MTUS2: variants seen among roughly 807,000 people sequenced by gnomAD.
MTUS2 encodes microtubule-associated tumor suppressor candidate 2.
A neutral mutation model predicts 114.1 loss-of-function variants in MTUS2; 40 were observed. That is an observed-to-expected ratio of 0.35 (90% CI 0.27 to 0.46). MTUS2 has a LOEUF of 0.46. MTUS2 is among the 20% of genes least tolerant of loss of function. MTUS2 has a pLI of 1.00. For synonymous variants in MTUS2, 688 were observed against 672.0 expected, an observed-to-expected ratio of 1.02 and a Z score of -0.37; for missense variants, 1,679 against 1,705.4, an observed-to-expected ratio of 0.98 and a Z score of 0.27.
At chr13:29,311,831 T>C (rs9551645) in intron 6 of MTUS2, among the ~76,000 whole-genome samples, 11,847 of 152,242 alleles carry the variant, frequency 0.078, 788 homozygotes, top group East Asian at 0.36. Context: ...AAGGTAGTCT[T>C]ATTTAGCCTC....
intron 2 of MTUS2, among the ~76,000 whole-genome samples, chr13:28,899,765 C>T (rs893011377): frequency 2.6e-5 from 4 of 152,090 alleles, no homozygotes; most frequent in Admixed American, 1.3e-4. Flanking sequence ...TTTCTTTTTT[C>T]TGTCCATAAA....
intron 1 of MTUS2, among the ~76,000 whole-genome samples, chr13:28,827,567 C>CCAT (rs1874351571): frequency 2.6e-5 from 4 of 152,078 alleles, no homozygotes; most frequent in Admixed American, 2.6e-4. Flanking sequence ...AGGAATGTGA[C>CCAT]CTGCAGCCAC....
In MTUS2 at chr13:29,256,958, T is replaced by G. The variant is rs144157085; in HGVS notation, c.2645-24746T>G. ...CAGGTACTTCCTCCTGGAGGTTGCCTTCTTCTGGCCTGACCTACATTGTTG... is the reference window on the plus strand; with the variant it reads ...CAGGTACTTCCTCCTGGAGGTTGCCGTCTTCTGGCCTGACCTACATTGTTG... On this transcript the variant is annotated intron_variant, in intron 5 of 15. Transcript: ENST00000612955. Among the ~76,000 whole-genome samples the G allele has an allele frequency of 3.8e-3, 584 of 152,348 alleles. 6 individuals carry two copies. Among genetic ancestry groups the G allele is most frequent in the African/African-American group, 0.013 (560 of 41,582 alleles).
At chr13:28,969,690 A>G (rs1175599348) in intron 2 of MTUS2, among the ~76,000 whole-genome samples, 1 of 151,944 alleles carries the variant, frequency 6.6e-6, no homozygotes, top group Non-Finnish European at 1.5e-5. Flanking sequence ...TTTTTAGTAG[A>G]AATGGGGTTC....
At chr13:29,235,308 A>G (rs377502634) in intron 5 of MTUS2, among the ~76,000 whole-genome samples, 1 of 152,024 alleles carries the variant, frequency 6.6e-6, no homozygotes, top group East Asian at 1.9e-4. Flanking sequence ...GGTCAGGCTA[A>G]TCTCGATCTC....
At chr13:29,183,138 A>G (rs1421155223) in intron 5 of MTUS2, among the ~76,000 whole-genome samples, 2 of 152,218 alleles carry the variant, frequency 1.3e-5, no homozygotes, top group African/African-American at 4.8e-5. Flanking sequence ...TATAGGCAAG[A>G]TGTGAGGATG....
At chr13:29,001,981 G>A (rs990516601) in intron 2 of MTUS2, among the ~76,000 whole-genome samples, 1 of 152,192 alleles carries the variant, frequency 6.6e-6, no homozygotes, top group Admixed American at 6.5e-5. Context: ...GATGGAAGAG[G>A]TATGGAAATG....
At chr13:28,973,883 G>T (rs1461999404) in intron 2 of MTUS2, among the ~76,000 whole-genome samples, 2 of 152,194 alleles carry the variant, frequency 1.3e-5, no homozygotes, top group Admixed American at 1.3e-4. Flanking sequence ...AATTGATGGT[G>T]CTCTCTGCTG....
intron 5 of MTUS2, among the ~76,000 whole-genome samples, chr13:29,205,025 G>T (rs529061794): frequency 6.6e-6 from 1 of 152,284 alleles, no homozygotes; most frequent in Non-Finnish European, 1.5e-5. Flanking sequence ...GGGCCTAGCA[G>T]CTGCCTTTAA....
At chr13:28,823,209 C>G in intron 1 of MTUS2, among the ~76,000 whole-genome samples, 1 of 152,236 alleles carries the variant, frequency 6.6e-6, no homozygotes, top group Middle Eastern at 3.2e-3. Flanking sequence ...CAGGATTGGT[C>G]TCTAATACGA....
At chr13:29,075,216 C>T (rs1889134190) in intron 4 of MTUS2, among the ~76,000 whole-genome samples, 1 of 152,148 alleles carries the variant, frequency 6.6e-6, no homozygotes, top group African/African-American at 2.4e-5. Context: ...CTCAGGCTGC[C>T]CCCTCCCATT....
At chr13:29,119,422 G>C (rs1181108839) in intron 5 of MTUS2, among the ~76,000 whole-genome samples, 1 of 152,126 alleles carries the variant, frequency 6.6e-6, no homozygotes, top group Non-Finnish European at 1.5e-5. Flanking sequence ...GGAATTTTAA[G>C]TTTGAAAGCA....
chr13:29,217,549 C>G (rs1432943546), intron 5 of MTUS2, among the ~76,000 whole-genome samples: 4 of 152,146 alleles, frequency 2.6e-5, no homozygotes, highest in African/African-American at 9.7e-5. Flanking sequence ...GAGCCTTCAG[C>G]AAGTCATAAT....
intron 2 of MTUS2, among the ~76,000 whole-genome samples, chr13:28,898,981 C>G (rs1197260923): frequency 6.6e-6 from 1 of 152,164 alleles, no homozygotes; most frequent in Non-Finnish European, 1.5e-5. Flanking sequence ...AATTCAAATT[C>G]CCTTTCCTCC....
intron 1 of MTUS2, among the ~76,000 whole-genome samples, chr13:28,828,224 T>C (rs1200747494): frequency 6.6e-6 from 1 of 152,238 alleles, no homozygotes; most frequent in African/African-American, 2.4e-5. Flanking sequence ...GAAATATGGC[T>C]CTGTTCTGCC....
At chr13:29,073,536 TGTG>T (rs1889041253) in intron 4 of MTUS2, among the ~76,000 whole-genome samples, 4 of 124,200 alleles carry the variant, frequency 3.2e-5, no homozygotes, top group African/African-American at 1.2e-4. Flanking sequence ...AAGGCGGGTG[TGTG>T]TGTGTGTTTG....
intron 2 of MTUS2, among the ~76,000 whole-genome samples, chr13:28,997,587 A>G (rs1023478034): frequency 6.6e-6 from 1 of 152,128 alleles, no homozygotes; most frequent in Non-Finnish European, 1.5e-5. Context: ...TATTGGGTGC[A>G]TATATATTTA....
At chr13:29,098,458 A>ACACACACATGTGCGTGCATG (rs1890270319) in intron 4 of MTUS2, among the ~76,000 whole-genome samples, 1 of 114,098 alleles carries the variant, frequency 8.8e-6, no homozygotes, top group African/African-American at 3.1e-5. Flanking sequence ...ACACACACAC[A>ACACACACATGTGCGTGCATG]CACACACACA....
intron 2 of MTUS2, among the ~76,000 whole-genome samples, chr13:28,992,865 C>A (rs112028993): frequency 1.3e-5 from 2 of 152,104 alleles, no homozygotes; most frequent in Non-Finnish European, 2.9e-5. Context: ...AGACTGAAAC[C>A]GTCCCCGTTA....
Sources: gnomAD v4.1 joint callset for allele counts (sites outside exome capture counted in the v4.1 genomes callset) on GRCh38, gnomAD v4.1.1 for gene constraint, MANE v1.5 for transcripts, NCBI Gene and HGNC (gene_info 2026-07-23, HGNC 2026-07-21) for gene names.